RBPMS: variants seen among roughly 807,000 people sequenced by gnomAD.
RBPMS encodes RNA binding protein, mRNA processing factor.
A neutral mutation model predicts 26.8 loss-of-function variants in RBPMS; 7 were observed. That is an observed-to-expected ratio of 0.26 (90% CI 0.15 to 0.49). RBPMS has a LOEUF of 0.49. Ranked by LOEUF, RBPMS falls within the 20% of genes least tolerant of loss-of-function variation. The pLI is 0.98. For missense variants in RBPMS, 186 were observed against 250.0 expected (o/e 0.74, Z 1.73); for synonymous variants, 96 against 93.3 (o/e 1.03, Z -0.17).
intron 1 of RBPMS, among the ~76,000 whole-genome samples, chr8:30,439,165 T>C (rs1585463443): frequency 6.6e-6 from 1 of 152,228 alleles, no homozygotes; most frequent in East Asian, 1.9e-4. Context: ...TTTGTTCTTA[T>C]TTGAGACTAA....
At chr8:30,486,752 A>G (rs1818835686) in intron 4 of RBPMS, among the ~76,000 whole-genome samples, 1 of 152,262 alleles carries the variant, frequency 6.6e-6, no homozygotes, top group South Asian at 2.1e-4. Flanking sequence ...GTTCTCACAC[A>G]TGAACCAGTG....
At chr8:30,554,753 A>G (rs1563446204) in intron 6 of RBPMS, among the ~76,000 whole-genome samples, 1 of 152,136 alleles carries the variant, frequency 6.6e-6, no homozygotes, top group Non-Finnish European at 1.5e-5. Flanking sequence ...TTACCCCTTC[A>G]TTCCCCAGAG....
intron 5 of RBPMS, among the ~76,000 whole-genome samples, chr8:30,530,744 G>T (rs1416330132): frequency 6.6e-6 from 1 of 152,170 alleles, no homozygotes; most frequent in Non-Finnish European, 1.5e-5. Context: ...TTACAGGCGT[G>T]AGCCACCACG....
At chr8:30,471,913 T>C (rs933183920) in intron 1 of RBPMS, among the ~76,000 whole-genome samples, 3 of 152,290 alleles carry the variant, frequency 2.0e-5, no homozygotes, top group Middle Eastern at 3.4e-3. Context: ...TTGATACTTA[T>C]AGATCATTCC....
At chr8:30,518,618 G>C (rs1822610082) in intron 5 of RBPMS, among the ~76,000 whole-genome samples, 1 of 144,622 alleles carries the variant, frequency 6.9e-6, no homozygotes, top group Admixed American at 7.2e-5. Context: ...AGTAGAGATG[G>C]GGTTTCACCA....
chr8:30,556,251 C>G (rs913146506), intron 6 of RBPMS: 5 of 985,316 alleles, frequency 5.1e-6, no homozygotes, highest in Non-Finnish European at 4.8e-6. Flanking sequence ...CTCAGCTGAG[C>G]ACAGCCTCCC....
intron 1 of RBPMS, among the ~76,000 whole-genome samples, chr8:30,443,634 G>A (rs1476496441): frequency 2.0e-5 from 3 of 151,920 alleles, no homozygotes; most frequent in Non-Finnish European, 2.9e-5. Flanking sequence ...TCGCTCTGTT[G>A]CCCAGGCTGG....
At chr8:30,549,805 CCTCTCT>C (rs71206263) in intron 6 of RBPMS, among the ~76,000 whole-genome samples, 132 of 110,694 alleles carry the variant, frequency 1.2e-3, no homozygotes, top group Non-Finnish European at 1.9e-3. Context: ...TCCCCTCTCT[CCTCTCT>C]CTCTCTCTCT....
intron 5 of RBPMS, among the ~76,000 whole-genome samples, chr8:30,524,384 A>C (rs1486702547): frequency 1.3e-5 from 2 of 152,170 alleles, no homozygotes; most frequent in East Asian, 3.8e-4. Flanking sequence ...CATGTACCAG[A>C]ATATCCAAAT....
intron 5 of RBPMS, among the ~76,000 whole-genome samples, chr8:30,520,379 CTT>C (rs1401983658): frequency 6.6e-6 from 1 of 152,100 alleles, no homozygotes; most frequent in East Asian, 1.9e-4. Context: ...CCTTTCCCTA[CTT>C]TTGAGTATCA....
chr8:30,461,046 G>GAA (rs35028246), intron 1 of RBPMS, among the ~76,000 whole-genome samples: 8 of 138,390 alleles, frequency 5.8e-5, no homozygotes, highest in East Asian at 4.3e-4. Context: ...GACCCCATCT[G>GAA]AAAAAAAAAA....
rs190026128 is a variant in RBPMS, at chr8:30,523,115, C to T, written c.397+18679C>T. Among the ~76,000 whole-genome samples, 1,060 of 152,196 alleles carry T rather than the reference C, an allele frequency of 7.0e-3. 64 individuals carry two copies. The highest frequency in any genetic ancestry group is 0.062 in the Admixed American group (942 of 15,274). Reference sequence around the variant, plus strand: ...GAATTAGGCTGGCTGCAGTGCTTCACGCTGTAATCCCAGCACTTTGGGAGG... The same window carrying T: ...GAATTAGGCTGGCTGCAGTGCTTCATGCTGTAATCCCAGCACTTTGGGAGG... On this transcript the variant is annotated intron_variant, in intron 5 of 8. Transcript: ENST00000397323.
chr8:30,479,292 A>G (rs753861475), intron 3 of RBPMS, 23 bp from the exon 4 acceptor site: 1 of 1,594,544 alleles, frequency 6.3e-7, no homozygotes, highest in East Asian at 2.2e-5. Flanking sequence ...TTTTTTCTTC[A>G]TATTTCTCTT....
At chr8:30,459,856 G>A (rs925293309) in intron 1 of RBPMS, among the ~76,000 whole-genome samples, 3 of 152,168 alleles carry the variant, frequency 2.0e-5, no homozygotes, top group African/African-American at 7.2e-5. Flanking sequence ...TGTTAACCTA[G>A]ATTATTTCTC....
intron 1 of RBPMS, among the ~76,000 whole-genome samples, chr8:30,436,888 T>C (rs909637548): frequency 6.6e-6 from 1 of 152,172 alleles, no homozygotes; most frequent in African/African-American, 2.4e-5. Context: ...ATATTGAACC[T>C]TTACGTGTTT....
At chr8:30,569,727 G>C (rs1327382423) in intron 8 of RBPMS, among the ~76,000 whole-genome samples, 1 of 152,188 alleles carries the variant, frequency 6.6e-6, no homozygotes, top group Non-Finnish European at 1.5e-5. Flanking sequence ...GGAAGGAGCA[G>C]ATGAGCCAAG....
At chr8:30,462,624 C>T (rs978093713) in intron 1 of RBPMS, among the ~76,000 whole-genome samples, 1 of 151,980 alleles carries the variant, frequency 6.6e-6, no homozygotes, top group Non-Finnish European at 1.5e-5. Flanking sequence ...TTTCACCATG[C>T]ACCATGTCTG....
intron 1 of RBPMS, among the ~76,000 whole-genome samples, chr8:30,449,593 A>C (rs1041892321): frequency 6.6e-6 from 1 of 150,778 alleles, no homozygotes; most frequent in Non-Finnish European, 1.5e-5. Context: ...CTTGTCTCAA[A>C]CTCCTGACCT....
intron 1 of RBPMS, among the ~76,000 whole-genome samples, chr8:30,447,641 A>G (rs1814029777): frequency 6.6e-6 from 1 of 152,230 alleles, no homozygotes; most frequent in Admixed American, 6.5e-5. Flanking sequence ...TTAAGAAGTG[A>G]AACATACGAT....
Sources: allele counts gnomAD v4.1 joint callset (sites outside exome capture counted in the v4.1 genomes callset), GRCh38; gene constraint gnomAD v4.1.1; transcripts MANE v1.5; gene names NCBI Gene and HGNC (gene_info 2026-07-23, HGNC 2026-07-21).